The following WNT8B variants were observed in gnomAD, a reference collection of about 807,000 sequenced individuals.
The protein encoded by WNT8B is Wnt family member 8B.
In WNT8B, 24 loss-of-function variants were observed where a neutral mutation model predicts 36.6. The observed-to-expected ratio is 0.66, with a 90% CI of 0.48 to 0.92. WNT8B has a LOEUF of 0.92. Ranked by LOEUF, WNT8B falls within the 40% of genes least tolerant of loss-of-function variation. The pLI is 0.00. For missense variants in WNT8B, 402 were observed against 470.8 expected (o/e 0.85, Z 1.35); for synonymous variants, 199 against 189.8 (o/e 1.05, Z -0.40).
At chr10:100,479,810 T>A in intron 2 of WNT8B, 64 bp from the exon 3 acceptor site, 1 of 1,579,854 alleles carries the variant, frequency 6.3e-7, no homozygotes, top group Non-Finnish European at 8.6e-7. Flanking sequence ...AGAGGGCTGT[T>A]TGGTCAGTTT....
intron 3 of WNT8B, among the ~76,000 whole-genome samples, chr10:100,480,359 CAG>C (rs1851094631): frequency 6.6e-6 from 1 of 152,160 alleles, no homozygotes; most frequent in Admixed American, 6.5e-5. Context: ...CCTTCCTCAG[CAG>C]AGAGATACTG....
intron 1 of WNT8B, among the ~76,000 whole-genome samples, chr10:100,478,850 TG>T (rs1376040518): frequency 6.6e-6 from 1 of 152,202 alleles, no homozygotes; most frequent in Middle Eastern, 3.2e-3. Flanking sequence ...CCCAAAGTGC[TG>T]GGAATACAGG....
intron 1 of WNT8B, among the ~76,000 whole-genome samples, chr10:100,473,039 T>G (rs1317669943): frequency 6.6e-6 from 1 of 152,226 alleles, no homozygotes; most frequent in East Asian, 1.9e-4. Flanking sequence ...TCTTTTTTAT[T>G]TCAAAATCCT....
chr10:100,478,064 G>T (rs561755759), intron 1 of WNT8B, among the ~76,000 whole-genome samples: 1 of 151,882 alleles, frequency 6.6e-6, no homozygotes, highest in Non-Finnish European at 1.5e-5. Flanking sequence ...GATTATGGGC[G>T]TGAGCCACTG....
intron 1 of WNT8B, among the ~76,000 whole-genome samples, chr10:100,463,594 A>T (rs1252670569): frequency 2.6e-5 from 4 of 152,194 alleles, no homozygotes; most frequent in South Asian, 2.1e-4. Context: ...CCGTGTGTTG[A>T]ATCTGATCTT....
chr10:100,473,049 T>A (rs533618605), intron 1 of WNT8B, among the ~76,000 whole-genome samples: 105 of 152,348 alleles, frequency 6.9e-4, no homozygotes, highest in African/African-American at 2.5e-3. Flanking sequence ...TTCAAAATCC[T>A]TGTATTCAAT....
At chr10:100,477,146 A>G (rs994693026) in intron 1 of WNT8B, among the ~76,000 whole-genome samples, 2 of 152,172 alleles carry the variant, frequency 1.3e-5, no homozygotes, top group African/African-American at 4.8e-5. Flanking sequence ...ATCATGCAGT[A>G]TGTATCCTTC....
intron 1 of WNT8B, among the ~76,000 whole-genome samples, chr10:100,464,723 G>C (rs1416754777): frequency 6.6e-6 from 1 of 152,130 alleles, no homozygotes. Flanking sequence ...TAAGAAAACA[G>C]GGTTTAAGAG....
At position 100,482,123 on chromosome 10, in the gene WNT8B, A is replaced by C; in HGVS notation, c.510+69A>C. On this transcript the variant is annotated intron_variant, in intron 5 of 5. Transcript: ENST00000343737. This position sits in a 1 kb window ranked among gnomAD's most constrained non-coding sequence, Gnocchi z 6.6. ...CCACTACCAGCTCCAGGTGCGGACA[A>C]CTCTTCAGTTCATTTAAAAGATTGG... is the stretch of plus-strand genomic sequence containing the variant. 1 of 1,602,264 alleles carries C rather than the reference A, an allele frequency of 6.2e-7. No individual in the cohort carries two copies. Among genetic ancestry groups the C allele is most frequent in the South Asian group, 1.1e-5 (1 of 90,344 alleles).
chr10:100,478,581 G>GTTTT (rs556313187), intron 1 of WNT8B, among the ~76,000 whole-genome samples: 1 of 144,774 alleles, frequency 6.9e-6, no homozygotes, highest in Non-Finnish European at 1.5e-5. Context: ...GTGTGTGTGT[G>GTTTT]TTTTTTTTTT....
chr10:100,482,007 G>A lies in WNT8B; in HGVS notation c.463G>A (p.Asp155Asn). 1 of 1,614,208 alleles carries A rather than the reference G, an allele frequency of 6.2e-7. No individual in the cohort carries two copies. The change falls in exon 5 of 6, where the codon GAT becomes AAT. Residue 155 changes from aspartate (D) to asparagine (N), a missense_variant. Asp to Asn is a conservative substitution (Grantham distance 23). Transcript: ENST00000343737. This position sits in a 1 kb window ranked among gnomAD's most constrained non-coding sequence, Gnocchi z 6.6. Reference sequence around the variant, plus strand: ...TGTCGATGCCCTGGAAACAGGACAGGATGCACGGGCAGCCATGAACCTGCA... The same window carrying A: ...TGTCGATGCCCTGGAAACAGGACAGAATGCACGGGCAGCCATGAACCTGCA... The part of the protein sequence containing the change: ...QFVDALETGQ[D>N]ARAAMNLHNN...
rs566288369 is a variant in WNT8B, at chr10:100,480,091, G to A, written c.241+79G>A. ...CCCAGGGATAGCCCCTTGCCTCCTC[G>A]ACACCCTTATTCCTCACCTGCTCTC... On this transcript the variant is annotated intron_variant, in intron 3 of 5. Coordinates refer to ENST00000343737, the MANE Select transcript of WNT8B (RefSeq NM_003393.4). 27 of 1,516,888 alleles carry A rather than the reference G, an allele frequency of 1.8e-5. No homozygotes were observed. The Admixed American group carries it at 3.1e-4, about 17-fold the overall frequency. The allele number at this position is 1,516,888 out of a possible 1,614,324, so 94.0% of individuals were successfully genotyped here. A position where few individuals can be genotyped will look rare whatever the true frequency, so the allele number is the denominator to read the frequency against.
intron 1 of WNT8B, among the ~76,000 whole-genome samples, chr10:100,471,400 G>A (rs1054724930): frequency 3.3e-5 from 5 of 152,220 alleles, no homozygotes; most frequent in South Asian, 4.1e-4. Context: ...AGGGGATGTC[G>A]TGCTACCCAG....
intron 1 of WNT8B, among the ~76,000 whole-genome samples, chr10:100,476,352 T>A (rs1388862645): frequency 6.6e-6 from 1 of 152,208 alleles, no homozygotes; most frequent in Non-Finnish European, 1.5e-5. Flanking sequence ...TATTTTTGAT[T>A]TTCTAAAATT....
chr10:100,473,804 T>C (rs1851004732), intron 1 of WNT8B, among the ~76,000 whole-genome samples: 1 of 152,060 alleles, frequency 6.6e-6, no homozygotes, highest in African/African-American at 2.4e-5. Flanking sequence ...TGCATGCCTG[T>C]AATCGCAGCT....
Position 100,463,095 on chromosome 10 carries a change from G to A in WNT8B, c.-74G>A. The stretch of plus-strand genomic sequence containing the variant: ...AGAATTCCATCCCACTGGCACTGAG[G>A]AGAATATTTCTCCGTCTTGCTTACC... On this transcript the variant is annotated 5_prime_UTR_variant, in exon 1 of 6. Coordinates refer to ENST00000343737, the MANE Select transcript of WNT8B (RefSeq NM_003393.4). 7.2e-7 allele frequency: 1 copy of A among 1,391,810 alleles called. No individual in the cohort carries two copies. 86.2% of individuals were successfully genotyped at this position (1,391,810 alleles called of 1,614,324 possible).
rs773220740 is a variant in WNT8B at position 100,482,195 on chromosome 10, C to T, written c.511-76C>T. The stretch of plus-strand genomic sequence containing the variant: ...CTGGCCCAGTAGACTAACTAGACTT[C>T]TCGCAACTCCCACAGGGGCAGTTAA... On this transcript the variant is annotated intron_variant, in intron 5 of 5. Transcript: ENST00000343737. This position sits in a 1 kb window ranked among gnomAD's most constrained non-coding sequence, Gnocchi z 6.6. 2.0e-6 allele frequency: 3 copies of T among 1,533,088 alleles called. No homozygotes were observed. The highest frequency in any genetic ancestry group is 2.6e-6 in the Non-Finnish European group (3 of 1,142,842). The allele number at this position is 1,533,088 out of a possible 1,614,324, so 95.0% of individuals were successfully genotyped here.
chr10:100,465,401 G>A (rs1472432495), intron 1 of WNT8B, among the ~76,000 whole-genome samples: 1 of 152,084 alleles, frequency 6.6e-6, no homozygotes, highest in African/African-American at 2.4e-5. Context: ...GATTATAATG[G>A]TGGCCAGAGA....
chr10:100,482,845 C>G lies in WNT8B; in HGVS notation c.*29C>G. The G allele has an allele frequency of 6.8e-7, 1 of 1,463,568 alleles. No individual in the cohort carries two copies. Among genetic ancestry groups the G allele is most frequent in the Non-Finnish European group, 9.0e-7 (1 of 1,105,686 alleles). 90.7% of individuals were successfully genotyped at this position (1,463,568 alleles called of 1,614,324 possible). Reference sequence around the variant, plus strand: ...TTTCCTCTGCCCCCTCCTTTTCCCACTGGTTCTTGGCTTCCTTTAGAGACC... The same window carrying G: ...TTTCCTCTGCCCCCTCCTTTTCCCAGTGGTTCTTGGCTTCCTTTAGAGACC... On this transcript the variant is annotated 3_prime_UTR_variant, in exon 6 of 6. Coordinates refer to ENST00000343737, the MANE Select transcript of WNT8B (RefSeq NM_003393.4). The surrounding 1 kb of genome is among the most constrained non-coding windows in gnomAD (Gnocchi z 6.6).
Sources: allele counts gnomAD v4.1 joint callset (sites outside exome capture counted in the v4.1 genomes callset), GRCh38; gene constraint gnomAD v4.1.1; non-coding constraint Gnocchi (gnomAD v3.1); transcripts MANE v1.5; gene names NCBI Gene and HGNC (gene_info 2026-07-23, HGNC 2026-07-21).